The following HDAC11 variants were observed in gnomAD, a reference collection of about 807,000 sequenced individuals.
The protein encoded by HDAC11 is histone deacetylase 11.
HDAC11 carries 23 observed loss-of-function variants against 41.1 expected under a neutral mutation model. The observed-to-expected ratio is 0.56, with a 90% CI of 0.40 to 0.79. The LOEUF is 0.79. Ranked by LOEUF, HDAC11 falls within the 30% of genes least tolerant of loss-of-function variation. The pLI is 0.00. For missense variants in HDAC11, 402 were observed against 477.3 expected, an observed-to-expected ratio of 0.84 and a Z score of 1.47; for synonymous variants, 187 against 186.6, an observed-to-expected ratio of 1.00 and a Z score of -0.02.
At chr3:13,486,584 T>G (rs1453471309) in intron 3 of HDAC11, among the ~76,000 whole-genome samples, 2 of 148,110 alleles carry the variant, frequency 1.4e-5, no homozygotes, top group Non-Finnish European at 3.0e-5. Flanking sequence ...TTTTTTTTTT[T>G]TTTTTTTTTT....
intron 5 of HDAC11, among the ~76,000 whole-genome samples, chr3:13,498,794 GTCC>G (rs957508592): frequency 2.0e-5 from 3 of 152,158 alleles, no homozygotes; most frequent in Non-Finnish European, 4.4e-5. Context: ...GTCTAAGGAG[GTCC>G]CCGGGTGGTT....
chr3:13,502,006 G>A lies in HDAC11; in HGVS notation c.552+73G>A, dbSNP rs1702390143. The A allele has an allele frequency of 3.9e-6, 5 of 1,280,238 alleles. No individual in the cohort carries two copies. The South Asian group carries it at 4.8e-5, about 12-fold the overall frequency. 79.3% of individuals were successfully genotyped at this position (1,280,238 alleles called of 1,614,324 possible). On this transcript the variant is annotated intron_variant, in intron 7 of 9. Transcript: ENST00000295757. This position sits in a 1 kb window ranked among gnomAD's most constrained non-coding sequence, Gnocchi z 4.1. ...GTTCCAGAATCTTCCCGGGGCAGGA[G>A]AGTCTCCCTCCTCATGTCCCCACGG...
chr3:13,483,331 A>G, intron 2 of HDAC11, 133 bp from the exon 3 acceptor site: 6 of 689,156 alleles, frequency 8.7e-6, no homozygotes, highest in Non-Finnish European at 1.5e-5. Context: ...CAGAAGGCCC[A>G]CAAGCCAGCA....
chr3:13,487,269 G>A (rs962197461), intron 3 of HDAC11, among the ~76,000 whole-genome samples: 1 of 152,186 alleles, frequency 6.6e-6, no homozygotes, highest in Non-Finnish European at 1.5e-5. Flanking sequence ...TTCCTCTGCT[G>A]TGGGCGCCCA....
chr3:13,485,610 G>A (rs1280589537), intron 3 of HDAC11, among the ~76,000 whole-genome samples: 1 of 152,218 alleles, frequency 6.6e-6, no homozygotes, highest in Non-Finnish European at 1.5e-5. Context: ...CCTGAAAGCA[G>A]CTTACTATGT....
chr3:13,483,535 C>T lies in HDAC11; in HGVS notation c.223C>T (p.His75Tyr). 1 of 1,613,592 alleles carries T rather than the reference C, an allele frequency of 6.2e-7. No homozygotes were observed. Among genetic ancestry groups the T allele is most frequent in the Non-Finnish European group, 8.5e-7 (1 of 1,179,772 alleles). Residue 75 changes from histidine to tyrosine, a missense_variant, in exon 3 of 10, where the codon CAC (histidine) becomes TAC (tyrosine). His to Tyr is a moderately conservative substitution (Grantham distance 83, BLOSUM62 2). Transcript: ENST00000295757. ...CTCGGAGGAGGACCTGCTGGTGGTG[C>T]ACACGAGGCGCTATCTTAATGAGCT... is the stretch of plus-strand genomic sequence containing the variant. ...EASEEDLLVV[H>Y]TRRYLNELKW...
chr3:13,481,420 C>A (rs889726963), intron 2 of HDAC11, 26 bp downstream of exon 2: 1 of 1,611,762 alleles, frequency 6.2e-7, no homozygotes, highest in Middle Eastern at 1.7e-4. Flanking sequence ...CTTGGACTCT[C>A]ATCTGCTTCC....
At chr3:13,490,502 CTTTAA>C (rs1701801582) in intron 3 of HDAC11, among the ~76,000 whole-genome samples, 1 of 152,024 alleles carries the variant, frequency 6.6e-6, no homozygotes, top group Admixed American at 6.6e-5. Flanking sequence ...TTATTTATGT[CTTTAA>C]TTTCTTTCAG....
chr3:13,496,383 A>C (rs940524223), intron 3 of HDAC11, among the ~76,000 whole-genome samples: 1 of 152,110 alleles, frequency 6.6e-6, no homozygotes, highest in African/African-American at 2.4e-5. Context: ...GGTCTAGACT[A>C]ATTTGTTATC....
At chr3:13,487,173 C>T (rs1304777462) in intron 3 of HDAC11, among the ~76,000 whole-genome samples, 3 of 152,082 alleles carry the variant, frequency 2.0e-5, no homozygotes, top group Non-Finnish European at 2.9e-5. Context: ...GACCCAAGCC[C>T]GTTTCAGACA....
At position 13,502,703 on chromosome 3, in the gene HDAC11, G is replaced by A. The variant is rs528796779; in HGVS notation, c.553-181G>A. 18 of 587,758 alleles carry A rather than the reference G, an allele frequency of 3.1e-5. No homozygotes were observed. The highest frequency in any genetic ancestry group is 2.3e-4 in the East Asian group (8 of 34,482). The allele number at this position is 587,758 out of a possible 1,614,324, so 36.4% of individuals were successfully genotyped here. On this transcript the variant is annotated intron_variant, in intron 7 of 9. Transcript: ENST00000295757. This position sits in a 1 kb window ranked among gnomAD's most constrained non-coding sequence, Gnocchi z 4.1. ...GCTCAAGCCCATGCTAGAAGGTGTC[G>A]GGGCCTGGTTTTAAGGTTGAATCCC... is the stretch of plus-strand genomic sequence containing the variant.
intron 4 of HDAC11, among the ~76,000 whole-genome samples, chr3:13,498,188 C>G (rs1469856776): frequency 6.6e-6 from 1 of 152,174 alleles, no homozygotes; most frequent in East Asian, 1.9e-4. Context: ...CAAAACTTTG[C>G]CTATTTTCCC....
chr3:13,484,274 A>G (rs1701459538), intron 3 of HDAC11, among the ~76,000 whole-genome samples: 1 of 152,116 alleles, frequency 6.6e-6, no homozygotes, highest in Admixed American at 6.6e-5. Flanking sequence ...TATTTTTTAT[A>G]TTGGGCTGAA....
chr3:13,485,756 G>C (rs1701529966), intron 3 of HDAC11, among the ~76,000 whole-genome samples: 1 of 152,056 alleles, frequency 6.6e-6, no homozygotes, highest in Non-Finnish European at 1.5e-5. Flanking sequence ...CTGCACTCCA[G>C]CTGGTATGAC....
chr3:13,481,434 A>T (rs1049325764), intron 2 of HDAC11, 40 bp downstream of exon 2: 2 of 1,608,086 alleles, frequency 1.2e-6, no homozygotes, highest in African/African-American at 2.7e-5. Flanking sequence ...TGCTTCCTCC[A>T]ACCCACCTGT....
intron 8 of HDAC11, 120 bp from the exon 9 acceptor site, chr3:13,503,974 G>A: frequency 1.1e-6 from 1 of 887,982 alleles, no homozygotes; most frequent in South Asian, 1.7e-5. Flanking sequence ...TGGGTGGAAT[G>A]AGGCTGAGCA....
intron 4 of HDAC11, among the ~76,000 whole-genome samples, chr3:13,497,123 C>T (rs559330571): frequency 5.3e-5 from 8 of 152,138 alleles, no homozygotes; most frequent in African/African-American, 1.2e-4. Flanking sequence ...CCCACCAAAG[C>T]GGATATCCTA....
At position 13,502,646 on chromosome 3, in the gene HDAC11, C is replaced by T. The variant is rs1332000279; in HGVS notation, c.553-238C>T. The T allele has an allele frequency of 2.0e-5, 9 of 444,800 alleles. No homozygotes were observed. Among genetic ancestry groups the T allele is most frequent in the Middle Eastern group, 6.5e-4 (1 of 1,548 alleles). The allele number at this position is 444,800 out of a possible 1,614,324, so 27.6% of individuals were successfully genotyped here. ...AGAGGGTGGCAGAGCGGGATTTCTT[C>T]CTCTGATAGGGAACCTAAGAGCACT... is the stretch of plus-strand genomic sequence containing the variant. On this transcript the variant is annotated intron_variant, in intron 7 of 9. Transcript: ENST00000295757. This position sits in a 1 kb window ranked among gnomAD's most constrained non-coding sequence, Gnocchi z 4.1.
intron 4 of HDAC11, among the ~76,000 whole-genome samples, chr3:13,497,733 G>C (rs1702164381): frequency 6.6e-6 from 1 of 151,782 alleles, no homozygotes; most frequent in Non-Finnish European, 1.5e-5. Context: ...ATCCCCTACA[G>C]TTCTGTTATG....
Sources: gnomAD v4.1 joint callset for allele counts (sites outside exome capture counted in the v4.1 genomes callset) on GRCh38, gnomAD v4.1.1 for gene constraint, Gnocchi (gnomAD v3.1) non-coding constraint, MANE v1.5 for transcripts, NCBI Gene and HGNC (gene_info 2026-07-23, HGNC 2026-07-21) for gene names.